The following DPP10 variants were observed in gnomAD, a reference collection of about 807,000 sequenced individuals.
DPP10 encodes inactive dipeptidyl peptidase 10.
Under a neutral mutation model 120.9 loss-of-function variants are expected in DPP10, and 33 were observed. The ratio of observed to expected loss-of-function variants is 0.27; its 90% confidence interval spans 0.21 to 0.37. The LOEUF is 0.37. Among genes scored for constraint, DPP10 ranks in the 10% least tolerant of loss-of-function variants. The pLI, the probability that DPP10 is intolerant of heterozygous loss-of-function variation, is 1.00. For synonymous variants in DPP10, 337 were observed against 326.1 expected (o/e 1.03, Z -0.36); for missense variants, 816 against 942.8 (o/e 0.87, Z 1.76).
At position 115,019,076 on chromosome 2, in the gene DPP10, A is replaced by G. The variant is rs919896021; in HGVS notation, c.61-290163A>G. 2.8e-5 allele frequency among the ~76,000 whole-genome samples: 4 copies of G among 140,626 alleles called. No individual in the cohort carries two copies. In the South Asian group the frequency reaches 7.2e-4, roughly 25 times the overall value. The allele number at this position is 140,626 out of a possible 152,430, so 92.3% of individuals were successfully genotyped here. A position where few individuals can be genotyped will look rare whatever the true frequency, so the allele number is the denominator to read the frequency against. On this transcript the variant is annotated intron_variant, in intron 1 of 25. Transcript: ENST00000410059. ...GCCACCCCTCCCCCACCATTCTCGC[A>G]CCCCCGCCCCTGCCACTCAGCTTCA... is the stretch of plus-strand genomic sequence containing the variant.
At chr2:114,915,333 C>T (rs745894050) in intron 1 of DPP10, among the ~76,000 whole-genome samples, 5 of 152,000 alleles carry the variant, frequency 3.3e-5, no homozygotes, top group Admixed American at 6.6e-5. Flanking sequence ...ATTTGGGTAC[C>T]CAGCTCTGGA....
intron 1 of DPP10, among the ~76,000 whole-genome samples, chr2:114,593,105 C>A (rs1297969576): frequency 2.0e-5 from 3 of 152,144 alleles, no homozygotes; most frequent in Non-Finnish European, 4.4e-5. Context: ...CATTTATTCA[C>A]CCCAACTTCA....
At chr2:115,479,691 A>G (rs1292704281) in intron 3 of DPP10, among the ~76,000 whole-genome samples, 6 of 152,178 alleles carry the variant, frequency 3.9e-5, no homozygotes, top group Non-Finnish European at 8.8e-5. Context: ...GTCTCCCATA[A>G]GACCAGGAGG....
chr2:115,028,870 T>C (rs1248205093), intron 1 of DPP10, among the ~76,000 whole-genome samples: 2 of 152,124 alleles, frequency 1.3e-5, no homozygotes, highest in Non-Finnish European at 2.9e-5. Flanking sequence ...GTTGTAAGTA[T>C]AGATATTTCT....
chr2:114,956,631 T>C (rs1558920726), intron 1 of DPP10, among the ~76,000 whole-genome samples: 1 of 152,052 alleles, frequency 6.6e-6, no homozygotes, highest in Non-Finnish European at 1.5e-5. Flanking sequence ...AGACCCCAAA[T>C]GGTAAAAGCA....
intron 1 of DPP10, among the ~76,000 whole-genome samples, chr2:114,715,714 G>T (rs371601720): frequency 6.6e-6 from 1 of 151,930 alleles, no homozygotes; most frequent in Non-Finnish European, 1.5e-5. Context: ...GTACAAAAAA[G>T]CTGGGTACAC....
intron 11 of DPP10, 33 bp from the exon 12 acceptor site, chr2:115,762,539 A>G: frequency 6.2e-7 from 1 of 1,612,986 alleles, no homozygotes; most frequent in Non-Finnish European, 8.5e-7. Flanking sequence ...TTTGGTCTTT[A>G]GATGCTTCAT....
At chr2:114,852,176 T>TTC (rs1553441623) in intron 1 of DPP10, among the ~76,000 whole-genome samples, 7 of 145,544 alleles carry the variant, frequency 4.8e-5, no homozygotes, top group African/African-American at 1.5e-4. Flanking sequence ...TTTTTTTTTT[T>TTC]CATAAAATGC....
At chr2:115,677,498 A>G (rs2149461894) in intron 5 of DPP10, among the ~76,000 whole-genome samples, 2 of 152,308 alleles carry the variant, frequency 1.3e-5, no homozygotes, top group Middle Eastern at 6.8e-3. Flanking sequence ...CGATTAAAAA[A>G]CAAGACTCAA....
rs148108386 is a variant in DPP10 at position 115,273,416 on chromosome 2, A to G, written c.61-35823A>G. ...GAGTGCAGTGATCTTGGCTCACTGC[A>G]AACTCCGCCTCCCGGGTTCACACTA... is the stretch of plus-strand genomic sequence containing the variant. On this transcript the variant is annotated intron_variant, in intron 1 of 25. Coordinates refer to ENST00000410059, the MANE Select transcript of DPP10 (RefSeq NM_020868.6). 6.8e-4 allele frequency among the ~76,000 whole-genome samples: 104 copies of G among 152,196 alleles called. 1 individual carries two copies. The East Asian group carries it at 0.019, about 28-fold the overall frequency.
At chr2:115,695,638 G>A (rs2091544477) in intron 7 of DPP10, among the ~76,000 whole-genome samples, 1 of 152,080 alleles carries the variant, frequency 6.6e-6, no homozygotes, top group Non-Finnish European at 1.5e-5. Flanking sequence ...CATGACATGT[G>A]GGAATTATTA....
At chr2:114,944,375 C>A (rs1411849277) in intron 1 of DPP10, among the ~76,000 whole-genome samples, 2 of 152,140 alleles carry the variant, frequency 1.3e-5, no homozygotes, top group Non-Finnish European at 2.9e-5. Flanking sequence ...TGGTGCATTT[C>A]ATAAGCATTT....
At chr2:114,445,181 T>G (rs1677870764) in intron 1 of DPP10, among the ~76,000 whole-genome samples, 1 of 152,190 alleles carries the variant, frequency 6.6e-6, no homozygotes, top group Non-Finnish European at 1.5e-5. Context: ...GTTAATTTTA[T>G]TCCTCACTCT....
intron 21 of DPP10, among the ~76,000 whole-genome samples, chr2:115,828,541 A>AT (rs147407620): frequency 0.014 from 2,116 of 150,048 alleles, 50 homozygotes; most frequent in African/African-American, 0.047. Context: ...ATGCTGTTCA[A>AT]TTTTTTTTTT....
intron 7 of DPP10, among the ~76,000 whole-genome samples, chr2:115,713,157 AG>A (rs61075154): frequency 3.6e-4 from 55 of 151,842 alleles, no homozygotes; most frequent in African/African-American, 9.6e-4. Context: ...AATAATTAAA[AG>A]AAATAGGTAG....
intron 1 of DPP10, among the ~76,000 whole-genome samples, chr2:115,003,111 T>G (rs1701555569): frequency 6.7e-6 from 1 of 149,064 alleles, no homozygotes; most frequent in Non-Finnish European, 1.5e-5. Flanking sequence ...GAGCTCAACC[T>G]AGATTCCCAT....
At chr2:115,493,180 G>A (rs1253182115) in intron 3 of DPP10, among the ~76,000 whole-genome samples, 1 of 152,018 alleles carries the variant, frequency 6.6e-6, no homozygotes, top group East Asian at 1.9e-4. Flanking sequence ...ATTGGGCTGT[G>A]TAATGGTAAT....
At chr2:115,509,405 G>A (rs2148828362) in intron 4 of DPP10, among the ~76,000 whole-genome samples, 1 of 152,294 alleles carries the variant, frequency 6.6e-6, no homozygotes, top group East Asian at 1.9e-4. Context: ...TTAAATGAAA[G>A]GGGAGTTAAC....
At chr2:115,091,545 A>T (rs1709260931) in intron 1 of DPP10, among the ~76,000 whole-genome samples, 1 of 152,060 alleles carries the variant, frequency 6.6e-6, no homozygotes, top group South Asian at 2.1e-4. Context: ...CCTCAACCCC[A>T]ACATGTGTCT....
Sources: allele counts gnomAD v4.1 joint callset (sites outside exome capture counted in the v4.1 genomes callset), GRCh38; gene constraint gnomAD v4.1.1; transcripts MANE v1.5; gene names NCBI Gene and HGNC (gene_info 2026-07-23, HGNC 2026-07-21).